The following B3GLCT variants were observed in gnomAD, a reference collection of about 807,000 sequenced individuals.
The protein encoded by B3GLCT is beta 3-glucosyltransferase, also known as beta-1,3-glucosyltransferase.
Under a neutral mutation model 63.4 loss-of-function variants are expected in B3GLCT, and 65 were observed. The ratio of observed to expected loss-of-function variants is 1.03; its 90% CI spans 0.84 to 1.26. The LOEUF (loss-of-function observed/expected upper bound fraction) is 1.26. Ranked by LOEUF, B3GLCT falls within the 50% of genes most tolerant of loss-of-function variation. The probability of loss-of-function intolerance (pLI) is 0.00; values close to 1 mark genes in which losing one functional copy is unlikely to be tolerated. For synonymous variants in B3GLCT, 233 were observed against 219.2 expected (o/e 1.06, Z -0.55); for missense variants, 577 against 604.8 (o/e 0.95, Z 0.48).
chr13:31,294,670 G>A (rs1057309639), intron 12 of B3GLCT, among the ~76,000 whole-genome samples: 1 of 152,104 alleles, frequency 6.6e-6, no homozygotes. Context: ...GGTTATTTCT[G>A]TTCTTCTCTA....
chr13:31,249,493 T>C (rs1009400169), intron 6 of B3GLCT, among the ~76,000 whole-genome samples: 1 of 152,236 alleles, frequency 6.6e-6, no homozygotes, highest in Non-Finnish European at 1.5e-5. Context: ...CTCCCAAATC[T>C]TTTTTAGGAT....
intron 6 of B3GLCT, among the ~76,000 whole-genome samples, chr13:31,258,704 A>G (rs955915878): frequency 6.6e-6 from 1 of 152,050 alleles, no homozygotes; most frequent in African/African-American, 2.4e-5. Context: ...CCCTGCTGCC[A>G]GCTGCTTTTA....
intron 4 of B3GLCT, among the ~76,000 whole-genome samples, chr13:31,246,485 C>T (rs1055921762): frequency 1.3e-5 from 2 of 152,104 alleles, no homozygotes; most frequent in African/African-American, 4.8e-5. Flanking sequence ...CATTTCTCGA[C>T]CAAAACTTTT....
rs199818077 is a variant in B3GLCT at position 31,329,565 on chromosome 13, A to G, written c.1394A>G (p.His465Arg). 4.3e-6 allele frequency: 7 copies of G among 1,614,200 alleles called. No homozygotes were observed. In the Admixed American group the frequency reaches 1.0e-4, roughly 23 times the overall value. ...SHQVPISFHK[H>R]WNIDPVKVYF... Reference sequence around the variant, plus strand: ...CAAGTTCCCATATCGTTCCACAAACACTGGAACATCGATCCAGTGAAGGTG... The same window carrying G: ...CAAGTTCCCATATCGTTCCACAAACGCTGGAACATCGATCCAGTGAAGGTG... The change falls in exon 15 of 15, where the codon CAC (histidine) becomes CGC (arginine). Residue 465 changes from histidine (H) to arginine (R), a missense_variant. Physicochemically the swap from His to Arg is conservative, Grantham distance 29. Coordinates refer to ENST00000343307, the MANE Select transcript of B3GLCT (RefSeq NM_194318.4).
chr13:31,223,161 A>G (rs1869910758), intron 3 of B3GLCT, among the ~76,000 whole-genome samples, 170 bp downstream of exon 3: 1 of 152,098 alleles, frequency 6.6e-6, no homozygotes, highest in African/African-American at 2.4e-5. Flanking sequence ...TGTGGGGCAA[A>G]CACCTCTCAG....
At position 31,247,870 on chromosome 13, in the gene B3GLCT, T is replaced by G; in HGVS notation, c.363T>G (p.Tyr121Ter). The G allele has an allele frequency of 6.3e-7, 1 of 1,588,046 alleles. No individual in the cohort carries two copies. The highest frequency in any genetic ancestry group is 8.6e-7 in the Non-Finnish European group (1 of 1,156,718). Residue 121 changes from tyrosine to a stop codon, truncating the protein, a stop_gained, in exon 6 of 15, where the codon TAT (tyrosine) becomes TAG (stop). Transcript: ENST00000343307. LOFTEE classifies it high-confidence loss of function. ...LPLLPHFSVTYSRNSSWIFFC... is the reference protein window; with the variant it reads ...LPLLPHFSVT ...TTTTGGTCAGTTTTTCTGTAACATA[T>G]AGCAGAAATTCATCTTGGATTTTCT...
chr13:31,295,192 G>A (rs748192559), intron 12 of B3GLCT, among the ~76,000 whole-genome samples: 1 of 152,180 alleles, frequency 6.6e-6, no homozygotes, highest in Non-Finnish European at 1.5e-5. Flanking sequence ...TGGAAGCTTT[G>A]TCCCAGACGG....
intron 12 of B3GLCT, among the ~76,000 whole-genome samples, chr13:31,315,167 G>A (rs751752297): frequency 8.5e-5 from 13 of 152,204 alleles, no homozygotes; most frequent in Non-Finnish European, 1.5e-4. Flanking sequence ...GTGGGGTGTT[G>A]CTGAAAAGAT....
At chr13:31,222,460 A>G (rs1006637690) in intron 2 of B3GLCT, among the ~76,000 whole-genome samples, 14 of 152,194 alleles carry the variant, frequency 9.2e-5, no homozygotes, top group African/African-American at 3.4e-4. Flanking sequence ...CAGGTTGGAG[A>G]GAACATTGTG....
At chr13:31,221,061 G>A (rs975396631) in intron 2 of B3GLCT, among the ~76,000 whole-genome samples, 9 of 152,234 alleles carry the variant, frequency 5.9e-5, no homozygotes, top group Non-Finnish European at 1.2e-4. Flanking sequence ...CATTGGGACC[G>A]AGTTAGGAGA....
intron 5 of B3GLCT, 111 bp from the exon 6 acceptor site, chr13:31,247,744 T>A (rs1252410589): frequency 3.4e-6 from 2 of 594,850 alleles, no homozygotes; most frequent in Non-Finnish European, 6.0e-6. Context: ...GAGAAAAAAA[T>A]TAGATATGCC....
intron 8 of B3GLCT, among the ~76,000 whole-genome samples, chr13:31,273,995 C>G (rs1872675797): frequency 6.6e-6 from 1 of 152,196 alleles, no homozygotes; most frequent in Non-Finnish European, 1.5e-5. Flanking sequence ...CAGCTGATAC[C>G]TACTAGGGAA....
intron 14 of B3GLCT, among the ~76,000 whole-genome samples, chr13:31,324,214 T>C (rs1430326607): frequency 6.6e-6 from 1 of 152,256 alleles, no homozygotes; most frequent in East Asian, 1.9e-4. Flanking sequence ...TTAAAAATTA[T>C]TGGATACTGC....
chr13:31,218,096 A>AT (rs1235159003), intron 2 of B3GLCT, among the ~76,000 whole-genome samples: 2 of 147,106 alleles, frequency 1.4e-5, no homozygotes, highest in East Asian at 2.0e-4. Context: ...GTTGTCTCTG[A>AT]TTTTTTTCAG....
In B3GLCT at chr13:31,220,553, G is replaced by A. The variant is rs578001549; in HGVS notation, c.121-2399G>A. ...TAGGAAGAACTAAGTCTTTTCACAA[G>A]GGAAGCTGGAGACAGAATTTTAATT... On this transcript the variant is annotated intron_variant, in intron 2 of 14. Transcript: ENST00000343307. Among the ~76,000 whole-genome samples, 28 of 152,330 alleles carry A rather than the reference G, an allele frequency of 1.8e-4. No homozygotes were observed. In the South Asian group the frequency reaches 2.9e-3, roughly 16 times the overall value.
intron 6 of B3GLCT, among the ~76,000 whole-genome samples, chr13:31,260,216 C>G (rs1871959557): frequency 6.6e-6 from 1 of 152,182 alleles, no homozygotes; most frequent in African/African-American, 2.4e-5. Context: ...CAGATTTTTG[C>G]ATAGAGCTGG....
chr13:31,211,050 G>C (rs1869232193), intron 1 of B3GLCT, among the ~76,000 whole-genome samples: 1 of 152,078 alleles, frequency 6.6e-6, no homozygotes, highest in African/African-American at 2.4e-5. Context: ...GCCACGTTTG[G>C]TTCCTTGATG....
chr13:31,255,859 A>G (rs1206394537), intron 6 of B3GLCT, among the ~76,000 whole-genome samples: 1 of 152,230 alleles, frequency 6.6e-6, no homozygotes, highest in Admixed American at 6.5e-5. Context: ...AAACCTAGGC[A>G]ATACCATTCA....
intron 11 of B3GLCT, 48 bp downstream of exon 11, chr13:31,284,809 T>C (rs1016134275): frequency 9.9e-7 from 1 of 1,013,956 alleles, no homozygotes; most frequent in Admixed American, 1.7e-5. Context: ...TGCCATTCTG[T>C]AAATACAGTA....
Sources: allele counts gnomAD v4.1 joint callset (sites outside exome capture counted in the v4.1 genomes callset), GRCh38; gene constraint gnomAD v4.1.1; transcripts MANE v1.5; gene names NCBI Gene and HGNC (gene_info 2026-07-23, HGNC 2026-07-21).